SYTL5: variants seen among roughly 807,000 people sequenced by gnomAD.
SYTL5 encodes synaptotagmin-like protein 5.
In SYTL5, 34 loss-of-function variants were observed where a neutral mutation model predicts 55.9. That is an observed-to-expected ratio of 0.61 (90% CI 0.46 to 0.81). The LOEUF is 0.81. Ranked by LOEUF, SYTL5 falls within the 30% of genes least tolerant of loss-of-function variation. The pLI, the probability that SYTL5 is intolerant of heterozygous loss-of-function variation, is 0.00. For synonymous variants in SYTL5, 221 were observed against 188.7 expected, an observed-to-expected ratio of 1.17 and a Z score of -1.40; for missense variants, 637 against 546.7, an observed-to-expected ratio of 1.17 and a Z score of -1.65.
chrX:37,910,967 C>CTTTTTTTT, the SYTL5 span, among the ~76,000 whole-genome samples: 2,006 of 82,521 alleles, frequency 0.024, 145 homozygotes, highest in African/African-American at 0.1. Flanking sequence ...GATAGCATTA[C>CTTTTTTTT]TTTTTTTTTT....
At chrX:38,090,256 T>G (rs1213003176) in intron 7 of SYTL5, among the ~76,000 whole-genome samples, 2 of 112,355 alleles carry the variant, frequency 1.8e-5, no homozygotes, top group East Asian at 2.8e-4. Flanking sequence ...TTTTCCAAAC[T>G]GATTTAAATC....
chrX:38,040,463 C>T (rs1217359479), intron 2 of SYTL5, among the ~76,000 whole-genome samples: 1 of 107,110 alleles, frequency 9.3e-6, no homozygotes, highest in East Asian at 3.0e-4. Context: ...ATCCCCCCCC[C>T]GACCCGAGCC....
the SYTL5 span, among the ~76,000 whole-genome samples, chrX:37,993,331 A>T: frequency 8.9e-6 from 1 of 112,295 alleles, no homozygotes; most frequent in African/African-American, 3.2e-5. Flanking sequence ...AACACAATGA[A>T]CAAAGACTTA....
chrX:37,962,703 G>A, the SYTL5 span, among the ~76,000 whole-genome samples: 3 of 111,949 alleles, frequency 2.7e-5, no homozygotes, highest in Non-Finnish European at 5.6e-5. Flanking sequence ...GTGTCAAAGT[G>A]TTCCTATTTC....
chrX:37,894,140 C>T, the SYTL5 span, among the ~76,000 whole-genome samples: 2 of 111,673 alleles, frequency 1.8e-5, no homozygotes, highest in African/African-American at 6.5e-5. Flanking sequence ...TCATTCCTTT[C>T]AATTACTGTG....
chrX:37,951,101 T>C, the SYTL5 span, among the ~76,000 whole-genome samples: 2 of 110,680 alleles, frequency 1.8e-5, no homozygotes, highest in South Asian at 3.8e-4. Context: ...TTTCAAAGTT[T>C]AGTTCACTAT....
At chrX:38,028,705 T>C (rs757578698) in intron 1 of SYTL5, among the ~76,000 whole-genome samples, 61 of 111,852 alleles carry the variant, frequency 5.5e-4, no homozygotes, top group African/African-American at 1.9e-3. Context: ...GTCCTGAAAG[T>C]TTTTTTCTTT....
the SYTL5 span, among the ~76,000 whole-genome samples, chrX:37,900,005 A>G: frequency 8.9e-6 from 1 of 112,262 alleles, no homozygotes; most frequent in Non-Finnish European, 1.9e-5. Flanking sequence ...CATATTCAGT[A>G]TTTGTTCTCT....
intron 13 of SYTL5, among the ~76,000 whole-genome samples, chrX:38,113,771 T>C (rs190649065): frequency 1.2e-3 from 138 of 111,703 alleles, no homozygotes; most frequent in African/African-American, 4.3e-3. Context: ...CCAATCATTG[T>C]AGGAGGGGAG....
chrX:38,089,780 G>A (rs866743156), intron 7 of SYTL5, among the ~76,000 whole-genome samples, 193 bp downstream of exon 7: 2 of 112,086 alleles, frequency 1.8e-5, no homozygotes, highest in Admixed American at 9.4e-5. Flanking sequence ...ATCAAATCTC[G>A]TGAGAACTCA....
the SYTL5 span, among the ~76,000 whole-genome samples, chrX:37,903,591 C>T: frequency 9.6e-6 from 1 of 104,635 alleles, no homozygotes; most frequent in East Asian, 3.1e-4. Flanking sequence ...AGGAGATATA[C>T]CTAATGTTAA....
chrX:37,931,510 T>G, the SYTL5 span, among the ~76,000 whole-genome samples: 1 of 111,823 alleles, frequency 8.9e-6, no homozygotes, highest in Non-Finnish European at 1.9e-5. Flanking sequence ...ACTATATCAC[T>G]TTACCTTCTC....
chrX:37,965,675 G>T, the SYTL5 span, among the ~76,000 whole-genome samples: 1 of 111,260 alleles, frequency 9.0e-6, no homozygotes, highest in African/African-American at 3.3e-5. Flanking sequence ...TTTTTCGTTT[G>T]GATATTCTAT....
chrX:38,001,316 T>C, the SYTL5 span, among the ~76,000 whole-genome samples: 1 of 112,109 alleles, frequency 8.9e-6, no homozygotes, highest in East Asian at 2.8e-4. Context: ...AAATGTACAA[T>C]TAAATTATTT....
chrX:38,022,682 C>T (rs991316237), intron 1 of SYTL5, among the ~76,000 whole-genome samples: 1 of 112,319 alleles, frequency 8.9e-6, no homozygotes, highest in Non-Finnish European at 1.9e-5. Context: ...AGACCTTTCA[C>T]GTAATCACAT....
At chrX:37,971,624 A>C in the SYTL5 span, among the ~76,000 whole-genome samples, 1 of 111,328 alleles carries the variant, frequency 9.0e-6, no homozygotes, top group Non-Finnish European at 1.9e-5. Context: ...AGCAGGCAGA[A>C]AATAAAATAG....
chrX:38,089,500 G>A lies in SYTL5; in HGVS notation c.744G>A (p.Pro248=), dbSNP rs777053340. The part of the protein sequence containing the change: ...LNDQEPGPRT[P]KSSRSNGVTP... ...ACCAGGAACCTGGTCCTAGGACCCC[G>A]AAGAGCAGTCGGAGCAATGGTGTGA... is the stretch of plus-strand genomic sequence containing the variant. The change falls in exon 7 of 17, where the codon CCG becomes CCA. Residue 248 remains proline (P), a synonymous_variant. Transcript: ENST00000297875. The A allele has an allele frequency of 1.1e-5, 13 of 1,208,644 alleles. No homozygotes were observed. The highest frequency in any genetic ancestry group is 6.6e-5 in the Admixed American group (3 of 45,647).
At chrX:37,915,998 T>A in the SYTL5 span, among the ~76,000 whole-genome samples, 6 of 111,469 alleles carry the variant, frequency 5.4e-5, no homozygotes, top group Non-Finnish European at 9.4e-5. Context: ...ATCTTTTTTT[T>A]TAAATAATAA....
chrX:38,110,219 T>C (rs1331272215), intron 12 of SYTL5, 102 bp from the exon 13 acceptor site: 19 of 503,487 alleles, frequency 3.8e-5, no homozygotes, highest in Admixed American at 4.2e-5. Flanking sequence ...TTCATATTAC[T>C]GATGCATATG....
Sources: gnomAD v4.1 joint callset for allele counts (sites outside exome capture counted in the v4.1 genomes callset) on GRCh38, gnomAD v4.1.1 for gene constraint, MANE v1.5 for transcripts, NCBI Gene and HGNC (gene_info 2026-07-23, HGNC 2026-07-21) for gene names.